RNF216: variants seen among roughly 807,000 people sequenced by gnomAD.
RNF216 encodes ring finger protein 216.
RNF216 carries 72 observed loss-of-function variants against 110.8 expected under a neutral mutation model. The ratio of observed to expected loss-of-function variants is 0.65; its 90% confidence interval spans 0.54 to 0.79. RNF216 has a LOEUF of 0.79. Among genes scored for constraint, RNF216 ranks in the 30% least tolerant of loss-of-function variants. RNF216 has a pLI of 0.00. For missense variants in RNF216, 1,342 were observed against 1,141.2 expected, an observed-to-expected ratio of 1.18 and a Z score of -2.54; for synonymous variants, 495 against 407.5, an observed-to-expected ratio of 1.21 and a Z score of -2.59.
At chr7:5,719,568 C>T (rs1420706530) in intron 9 of RNF216, among the ~76,000 whole-genome samples, 1 of 152,082 alleles carries the variant, frequency 6.6e-6, no homozygotes, top group African/African-American at 2.4e-5. Flanking sequence ...ATGTGAATAT[C>T]ACCAAGAATA....
intron 13 of RNF216, among the ~76,000 whole-genome samples, chr7:5,686,871 A>G (rs1236673685): frequency 6.6e-6 from 1 of 152,210 alleles, no homozygotes; most frequent in African/African-American, 2.4e-5. Flanking sequence ...GCAGTTCACA[A>G]CAGGGTTCAC....
Position 5,761,153 on chromosome 7 carries a change from A to T in RNF216, c.-69-15T>A, listed in dbSNP as rs1267934792. 5 of 764,546 alleles carry T rather than the reference A, an allele frequency of 6.5e-6. No homozygotes were observed. Among genetic ancestry groups the T allele is most frequent in the Non-Finnish European group, 1.1e-5 (5 of 464,696 alleles). 47.4% of individuals were successfully genotyped at this position (764,546 alleles called of 1,614,324 possible). A position where few individuals can be genotyped will look rare whatever the true frequency, so the allele number is the denominator to read the frequency against. On this transcript the variant is annotated splice_polypyrimidine_tract_variant and intron_variant, in intron 1 of 16. Transcript: ENST00000389902. ...TTTCAAAAGAACTGAAAAGGAAGCA[A>T]AGAGTAACAGTAAGAATGAGGGAGT...
At chr7:5,723,664 A>G (rs1016285846) in intron 8 of RNF216, among the ~76,000 whole-genome samples, 27 of 152,090 alleles carry the variant, frequency 1.8e-4, no homozygotes, top group African/African-American at 6.3e-4. Context: ...AAAAATAAAT[A>G]AATAAATGCA....
At chr7:5,699,481 T>TG (rs1423550181) in intron 13 of RNF216, among the ~76,000 whole-genome samples, 1 of 152,228 alleles carries the variant, frequency 6.6e-6, no homozygotes, top group Non-Finnish European at 1.5e-5. Flanking sequence ...CCAAACTCCC[T>TG]GCTCAAGCTA....
rs1790577844 is a variant in RNF216 at position 5,680,440 on chromosome 7, T to C, written c.2062-27930A>G. ...GTTGTTGAGACGGAGTCTTGCCCTGTCGCCAGCCTGGAGAGCAGTGGTGCG... is the reference window on the plus strand; with the variant it reads ...GTTGTTGAGACGGAGTCTTGCCCTGCCGCCAGCCTGGAGAGCAGTGGTGCG... On this transcript the variant is annotated intron_variant, in intron 13 of 16. Transcript: ENST00000389902. This position sits in a 1 kb window ranked among gnomAD's most constrained non-coding sequence, Gnocchi z 4.3. The C allele has an allele frequency of 6.6e-6, 1 of 152,236 alleles. No individual in the cohort carries two copies. The highest frequency in any genetic ancestry group is 2.4e-5 in the African/African-American group (1 of 41,436). 9.4% of individuals were successfully genotyped at this position (152,236 alleles called of 1,614,324 possible). A position where few individuals can be genotyped will look rare whatever the true frequency, so the allele number is the denominator to read the frequency against.
chr7:5,766,867 G>C (rs911214098), intron 1 of RNF216: 1 of 152,214 alleles, frequency 6.6e-6, no homozygotes, highest in Non-Finnish European at 1.5e-5. Flanking sequence ...TAAAGGGTGC[G>C]TGTGTATGTT....
At chr7:5,760,637 A>C (rs1795885637) in intron 2 of RNF216, 1 of 312,308 alleles carries the variant, frequency 3.2e-6, no homozygotes, top group African/African-American at 2.2e-5. Flanking sequence ...TGGGAAGACA[A>C]GACTGGTTCA....
chr7:5,750,807 A>C lies in RNF216; in HGVS notation c.201+2039T>G, dbSNP rs1458476721. 3.9e-5 allele frequency among the ~76,000 whole-genome samples: 6 copies of C among 152,180 alleles called. No individual in the cohort carries two copies. In the East Asian group the frequency reaches 1.2e-3, roughly 29 times the overall value. ...CGTGGCAGGACAACGTTGCAGTGAA[A>C]ATTTCACCATCAGTAGTAGCCTCTG... On this transcript the variant is annotated intron_variant, in intron 3 of 16. Transcript: ENST00000389902.
At chr7:5,712,615 C>A in intron 12 of RNF216, 100 bp downstream of exon 12, 1 of 1,186,976 alleles carries the variant, frequency 8.4e-7, no homozygotes, top group Non-Finnish European at 1.2e-6. Flanking sequence ...GTCAAAAAAC[C>A]TGGAAGATAA....
intron 1 of RNF216, among the ~76,000 whole-genome samples, chr7:5,766,052 G>C (rs1457218054): frequency 6.6e-6 from 1 of 151,894 alleles, no homozygotes; most frequent in East Asian, 1.9e-4. Context: ...GGGAGACCAA[G>C]GTGGGAGAAT....
At chr7:5,648,915 T>C (rs1788214926) in intron 14 of RNF216, among the ~76,000 whole-genome samples, 1 of 152,134 alleles carries the variant, frequency 6.6e-6, no homozygotes, top group African/African-American at 2.4e-5. Context: ...TTTGAGATAA[T>C]TAGTGGAACT....
At chr7:5,638,372 C>G (rs1787527932) in intron 15 of RNF216, among the ~76,000 whole-genome samples, 1 of 152,198 alleles carries the variant, frequency 6.6e-6, no homozygotes. Context: ...GTGTTGCAGA[C>G]AGAACTTTGT....
chr7:5,638,876 G>C (rs1388488174), intron 15 of RNF216, among the ~76,000 whole-genome samples: 1 of 152,068 alleles, frequency 6.6e-6, no homozygotes, highest in African/African-American at 2.4e-5. Context: ...TGCAAGTGAT[G>C]CTCCTGCCTT....
At chr7:5,644,799 C>A (rs1787952304) in intron 14 of RNF216, among the ~76,000 whole-genome samples, 2 of 151,754 alleles carry the variant, frequency 1.3e-5, no homozygotes, top group South Asian at 4.2e-4. Flanking sequence ...AGCCACTGTG[C>A]CTGGCTGTTT....
chr7:5,622,523 C>A lies in RNF216; in HGVS notation c.*337G>T. 1 of 242,352 alleles carries A rather than the reference C, an allele frequency of 4.1e-6. No individual in the cohort carries two copies. Among genetic ancestry groups the A allele is most frequent in the Non-Finnish European group, 7.9e-6 (1 of 126,458 alleles). The allele number at this position is 242,352 out of a possible 1,614,324, so 15.0% of individuals were successfully genotyped here. Reference sequence around the variant, plus strand: ...TGCCTTGCTACCCAGGGGTCGGCTCCGAGGAGAGGCCCAGGTGTGAGCAGC... The same window carrying A: ...TGCCTTGCTACCCAGGGGTCGGCTCAGAGGAGAGGCCCAGGTGTGAGCAGC... On this transcript the variant is annotated 3_prime_UTR_variant, in exon 17 of 17. Coordinates refer to ENST00000389902, the MANE Select transcript of RNF216 (RefSeq NM_207111.4).
chr7:5,739,728 C>A, intron 4 of RNF216: 1 of 432,090 alleles, frequency 2.3e-6, no homozygotes, highest in South Asian at 1.7e-5. Flanking sequence ...TGGCCGGGTG[C>A]AGTGGCTCAT....
chr7:5,645,965 G>C (rs1309648658), intron 14 of RNF216, among the ~76,000 whole-genome samples: 1 of 152,104 alleles, frequency 6.6e-6, no homozygotes, highest in Non-Finnish European at 1.5e-5. Context: ...CTTTGCCCAT[G>C]GTTTCACCTG....
intron 4 of RNF216, 108 bp from the exon 5 acceptor site, chr7:5,739,460 A>C: frequency 9.2e-7 from 1 of 1,082,682 alleles, no homozygotes; most frequent in South Asian, 1.3e-5. Context: ...AGACTAGAAA[A>C]GGGCTGTGAA....
chr7:5,721,087 T>C lies in RNF216; in HGVS notation c.1590A>G (p.Pro530=), dbSNP rs767374065. 6.2e-7 allele frequency: 1 copy of C among 1,614,174 alleles called. No individual in the cohort carries two copies. Among genetic ancestry groups the C allele is most frequent in the Non-Finnish European group, 8.5e-7 (1 of 1,179,990 alleles). ...CRSYDRRALL[P]AVQQEQEFYE... is the part of the protein sequence containing the mutation. ...AGAACTCCTGCTCTTGTTGCACAGC[T>C]GGAAGGAGAGCACGTCGGTCATAGG... is the stretch of plus-strand genomic sequence containing the variant. The change falls in exon 9 of 17, where the codon CCA becomes CCG. Residue 530 remains proline (P), a synonymous_variant. Transcript: ENST00000389902.
Sources: allele counts gnomAD v4.1 joint callset (sites outside exome capture counted in the v4.1 genomes callset), GRCh38; gene constraint gnomAD v4.1.1; non-coding constraint Gnocchi (gnomAD v3.1); transcripts MANE v1.5; gene names NCBI Gene and HGNC (gene_info 2026-07-23, HGNC 2026-07-21).